AGAP9: variants seen among roughly 807,000 people sequenced by gnomAD.
AGAP9 encodes ArfGAP with GTPase domain, ankyrin repeat and PH domain 9, also known as arf-GAP with GTPase, ANK repeat and PH domain-containing protein 9.
AGAP9 carries 23 observed loss-of-function variants against 55.6 expected under a neutral mutation model. The ratio of observed to expected loss-of-function variants is 0.41; its 90% CI spans 0.30 to 0.59. AGAP9 has a LOEUF of 0.59. AGAP9 is among the 20% of genes least tolerant of loss of function. The pLI is 0.25. For synonymous variants in AGAP9, 120 were observed against 305.0 expected, an observed-to-expected ratio of 0.39 and a Z score of 6.32; for missense variants, 309 against 808.1, an observed-to-expected ratio of 0.38 and a Z score of 7.49.
intron 4 of AGAP9, among the ~76,000 whole-genome samples, chr10:47,514,246 T>C (rs1840686465): frequency 6.7e-6 from 1 of 149,546 alleles, no homozygotes; most frequent in Non-Finnish European, 1.5e-5. Context: ...GTGATATACA[T>C]ACATATTATA....
intron 2 of AGAP9, among the ~76,000 whole-genome samples, chr10:47,521,911 G>T (rs1840851794): frequency 6.7e-6 from 1 of 149,880 alleles, no homozygotes; most frequent in African/African-American, 2.5e-5. Flanking sequence ...CTTGTGAGTA[G>T]CTGGAACTAC....
intron 5 of AGAP9, among the ~76,000 whole-genome samples, chr10:47,508,006 C>G (rs1335760016): frequency 8.1e-6 from 1 of 122,880 alleles, no homozygotes; most frequent in African/African-American, 3.0e-5. Context: ...GCGATTCTCA[C>G]GCCTCAGCCT....
rs1263968160 is a variant in AGAP9 at position 47,516,206 on chromosome 10, T to TA, written c.396+1616dup. ...ATCAGTAAAAAAGTAACAGAGAAAA[T>TA]AAAAAAAAAATTCTCAAGAAGAGAT... On this transcript the variant is annotated intron_variant, in intron 4 of 7. Transcript: ENST00000452145. Among the ~76,000 whole-genome samples the TA allele has an allele frequency of 3.9e-4, 26 of 66,414 alleles. 1 individual carries two copies. The highest frequency in any genetic ancestry group is 1.3e-3 in the Admixed American group (7 of 5,466). The allele number at this position is 66,414 out of a possible 152,430, so 43.6% of individuals were successfully genotyped here. A position where few individuals can be genotyped will look rare whatever the true frequency, so the allele number is the denominator to read the frequency against.
chr10:47,519,125 G>C lies in AGAP9; in HGVS notation c.362-1268C>G, dbSNP rs1460017690. Among the ~76,000 whole-genome samples, 31 of 137,192 alleles carry C rather than the reference G, an allele frequency of 2.3e-4. 5 individuals carry two copies. Among genetic ancestry groups the C allele is most frequent in the Non-Finnish European group, 1.2e-4 (8 of 65,098 alleles). The allele number at this position is 137,192 out of a possible 152,430, so 90.0% of individuals were successfully genotyped here. On this transcript the variant is annotated intron_variant, in intron 3 of 7. Transcript: ENST00000452145. The stretch of plus-strand genomic sequence containing the variant: ...GCAGTGGATTCCTTATGAATGGCTT[G>C]GTCCCATCCCCATGGTAATAAGCAA...
chr10:47,513,069 G>A (rs1840658816), intron 4 of AGAP9, among the ~76,000 whole-genome samples: 2 of 139,468 alleles, frequency 1.4e-5, no homozygotes, highest in Non-Finnish European at 3.1e-5. Context: ...GTCTTGCTCT[G>A]TTGCCCAGGC....
intron 2 of AGAP9, among the ~76,000 whole-genome samples, chr10:47,521,719 G>A (rs1235533265): frequency 2.9e-5 from 4 of 135,740 alleles, no homozygotes; most frequent in African/African-American, 8.1e-5. Flanking sequence ...ATTGTTTTCT[G>A]TTTTCTACCG....
chr10:47,502,352 G>C lies in AGAP9; in HGVS notation c.1777C>G (p.Arg593Gly). The stretch of plus-strand genomic sequence containing the variant: ...TGCAGGTCCTCATCAGTGGTGGCCC[G>C]CAGCAGCTGCTGGCCCAGGGACAGC... ...TELSLGQQLL[R>G]ATTDEDLQTA... The change falls in exon 8 of 8, where the codon CGG becomes GGG. Residue 593 changes from arginine (R) to glycine (G), a missense_variant. Transcript: ENST00000452145. 1 of 1,607,460 alleles carries C rather than the reference G, an allele frequency of 6.2e-7. No individual in the cohort carries two copies. The highest frequency in any genetic ancestry group is 8.5e-7 in the Non-Finnish European group (1 of 1,179,030).
At chr10:47,510,829 C>CAAAA (rs1180008752) in intron 4 of AGAP9, among the ~76,000 whole-genome samples, 3 of 27,118 alleles carry the variant, frequency 1.1e-4, no homozygotes, top group African/African-American at 1.8e-4. Flanking sequence ...GACTCCGTCT[C>CAAAA]AAAAAAAAAA....
chr10:47,510,894 T>A (rs1378464363), intron 4 of AGAP9, among the ~76,000 whole-genome samples: 1 of 128,128 alleles, frequency 7.8e-6, no homozygotes, highest in Non-Finnish European at 1.6e-5. Flanking sequence ...TCTACAGCAA[T>A]AAAAAGCAGC....
rs1336352449 is a variant in AGAP9 at position 47,502,580 on chromosome 10, G to A, written c.1549C>T (p.Arg517Ter). 15 of 1,608,638 alleles carry A rather than the reference G, an allele frequency of 9.3e-6. No individual in the cohort carries two copies. The highest frequency in any genetic ancestry group is 6.8e-5 in the East Asian group (3 of 43,914). Residue 517 changes from arginine to a stop codon, truncating the protein, a stop_gained, in exon 8 of 8, where the codon CGA (arginine) becomes TGA (stop). Coordinates refer to ENST00000452145, the MANE Select transcript of AGAP9 (RefSeq NM_001190810.1). LOFTEE classifies it high-confidence loss of function. ...RSFGTRLSRVRSLELDDWPVE... is the reference protein window; with the variant it reads ...RSFGTRLSRV Reference sequence around the variant, plus strand: ...GGCCAGTCATCCAGCTCCAGAGATCGCACACGGGAAAGGCGGGTGCCAAAA... The same window carrying A: ...GGCCAGTCATCCAGCTCCAGAGATCACACACGGGAAAGGCGGGTGCCAAAA...
In AGAP9 at chr10:47,502,518, A is replaced by C; in HGVS notation, c.1611T>G (p.Asn537Lys). Residue 537 changes from asparagine (N) to lysine (K), a missense_variant, in exon 8 of 8, where the codon AAT becomes AAG. Asn to Lys is a moderately conservative substitution (Grantham distance 94). Transcript: ENST00000452145. Reference sequence around the variant, plus strand: ...CTTCCCAGATGCTGTTGGCTAGCTCATTGCCAATAGATGACATAACCTTCC... The same window carrying C: ...CTTCCCAGATGCTGTTGGCTAGCTCCTTGCCAATAGATGACATAACCTTCC... ...ELRKVMSSIG[N>K]ELANSIWEGS... 1 of 1,613,028 alleles carries C rather than the reference A, an allele frequency of 6.2e-7. No individual in the cohort carries two copies. Among genetic ancestry groups the C allele is most frequent in the Non-Finnish European group, 8.5e-7 (1 of 1,179,924 alleles).
intron 6 of AGAP9, among the ~76,000 whole-genome samples, chr10:47,506,817 T>C: frequency 7.1e-6 from 1 of 141,536 alleles, no homozygotes; most frequent in Middle Eastern, 3.6e-3. Flanking sequence ...GTTTTTGTAT[T>C]TTTAGTAGAG....
rs1281043358 is a variant in AGAP9 at position 47,502,361 on chromosome 10, G to C, written c.1768C>G (p.Gln590Glu). 1.2e-6 allele frequency: 2 copies of C among 1,608,412 alleles called. No homozygotes were observed. Among genetic ancestry groups the C allele is most frequent in the Non-Finnish European group, 1.7e-6 (2 of 1,179,322 alleles). Reference protein sequence around the residue: ...LPCTELSLGQQLLRATTDEDL... With the variant: ...LPCTELSLGQELLRATTDEDL... Reference sequence around the variant, plus strand: ...TCATCAGTGGTGGCCCGCAGCAGCTGCTGGCCCAGGGACAGCTCAGTGCAG... The same window carrying C: ...TCATCAGTGGTGGCCCGCAGCAGCTCCTGGCCCAGGGACAGCTCAGTGCAG... The change falls in exon 8 of 8, where the codon CAG (glutamine) becomes GAG (glutamate). Residue 590 changes from glutamine to glutamate, a missense_variant. Physicochemically the swap from Gln to Glu is conservative, Grantham distance 29. Coordinates refer to ENST00000452145, the MANE Select transcript of AGAP9 (RefSeq NM_001190810.1).
Position 47,513,469 on chromosome 10 carries a change from A to G in AGAP9, c.397-3198T>C, listed in dbSNP as rs1273497981. ...TGAAAATGACCATACTGCCAAAAGC[A>G]ATCTACAAATTCAATGCAACTCCCA... On this transcript the variant is annotated intron_variant, in intron 4 of 7. Coordinates refer to ENST00000452145, the MANE Select transcript of AGAP9 (RefSeq NM_001190810.1). 4.0e-4 allele frequency among the ~76,000 whole-genome samples: 57 copies of G among 142,498 alleles called. 9 individuals carry two copies. Among genetic ancestry groups the G allele is most frequent in the Non-Finnish European group, 6.0e-4 (39 of 65,272 alleles). 93.5% of individuals were successfully genotyped at this position (142,498 alleles called of 152,430 possible).
chr10:47,502,593 G>A lies in AGAP9; in HGVS notation c.1536C>T (p.Arg512=). 6.4e-7 allele frequency: 1 copy of A among 1,573,860 alleles called. No individual in the cohort carries two copies. The highest frequency in any genetic ancestry group is 1.4e-5 in the African/African-American group (1 of 72,176). Residue 512 remains arginine (R), a synonymous_variant, in exon 8 of 8, where the codon CGC becomes CGT. Transcript: ENST00000452145. ...CSGIHRSFGT[R]LSRVRSLELD... ...GCTCCAGAGATCGCACACGGGAAAG[G>A]CGGGTGCCAAAACTGCGGTGGATAC...
At chr10:47,522,785 GA>G in intron 2 of AGAP9, 80 bp downstream of exon 2, 2 of 241,080 alleles carry the variant, frequency 8.3e-6, no homozygotes, top group South Asian at 6.3e-5. Flanking sequence ...TTTTTATTGA[GA>G]AAAGGAAGAG....
intron 4 of AGAP9, among the ~76,000 whole-genome samples, chr10:47,514,068 C>A (rs1488940120): frequency 7.1e-6 from 1 of 141,804 alleles, no homozygotes; most frequent in Admixed American, 7.1e-5. Context: ...GGAAAAGGAA[C>A]AATCAACAGA....
At chr10:47,507,850 T>C (rs1266636081) in intron 5 of AGAP9, among the ~76,000 whole-genome samples, 15 of 105,626 alleles carry the variant, frequency 1.4e-4, no homozygotes, top group Middle Eastern at 4.5e-3. Flanking sequence ...CCCTTTTATA[T>C]GCTTTTCTAC....
intron 2 of AGAP9, among the ~76,000 whole-genome samples, chr10:47,522,299 T>C (rs1381142418): frequency 6.9e-6 from 1 of 145,926 alleles, no homozygotes; most frequent in African/African-American, 2.6e-5. Context: ...AACAAGGAGG[T>C]AAATAAAGTC....
Sources: allele counts gnomAD v4.1 joint callset (sites outside exome capture counted in the v4.1 genomes callset), GRCh38; gene constraint gnomAD v4.1.1; transcripts MANE v1.5; gene names NCBI Gene and HGNC (gene_info 2026-07-23, HGNC 2026-07-21).